The following WDR17 variants were observed in gnomAD, a reference collection of about 807,000 sequenced individuals.
WDR17 encodes the protein WD repeat-containing protein 17.
A neutral mutation model predicts 161.7 loss-of-function variants in WDR17; 143 were observed. The observed-to-expected ratio is 0.88, with a 90% CI of 0.77 to 1.02. The LOEUF (loss-of-function observed/expected upper bound fraction) is 1.02, where lower values mean the gene tolerates loss of function less well. Ranked by LOEUF, WDR17 falls within the 50% of genes least tolerant of loss-of-function variation. WDR17 has a pLI of 0.00. For synonymous variants in WDR17, 517 were observed against 515.6 expected, an observed-to-expected ratio of 1.00 and a Z score of -0.04; for missense variants, 1,469 against 1,520.9, an observed-to-expected ratio of 0.97 and a Z score of 0.57.
At chr4:176,080,847 T>C (rs1457925158) in intron 1 of WDR17, among the ~76,000 whole-genome samples, 2 of 152,144 alleles carry the variant, frequency 1.3e-5, no homozygotes, top group African/African-American at 4.8e-5. Context: ...CCCTCAGACA[T>C]TGGTGTTACT....
chr4:176,096,532 A>G, intron 1 of WDR17: 1 of 1,601,904 alleles, frequency 6.2e-7, no homozygotes, highest in Non-Finnish European at 8.5e-7. Context: ...GGCTTGGATG[A>G]CTTACATTTC....
At chr4:176,168,864 G>A in intron 23 of WDR17, 81 bp downstream of exon 23, 1 of 1,480,368 alleles carries the variant, frequency 6.8e-7, no homozygotes. Context: ...AAATAGAGAT[G>A]CATGCAGAGA....
chr4:176,145,497 T>C (rs1403860105), intron 11 of WDR17, among the ~76,000 whole-genome samples: 1 of 152,146 alleles, frequency 6.6e-6, no homozygotes, highest in East Asian at 1.9e-4. Flanking sequence ...GCAGGGAGCT[T>C]TTCCAGAAAA....
At chr4:176,149,169 G>A (rs1746685565) in intron 13 of WDR17, among the ~76,000 whole-genome samples, 1 of 151,470 alleles carries the variant, frequency 6.6e-6, no homozygotes, top group South Asian at 2.1e-4. Flanking sequence ...TATACTTGTT[G>A]CTGCTTAACC....
intron 4 of WDR17, among the ~76,000 whole-genome samples, chr4:176,124,126 A>G (rs1037921396): frequency 3.3e-5 from 5 of 152,190 alleles, no homozygotes; most frequent in African/African-American, 1.2e-4. Flanking sequence ...GAGTTGTATT[A>G]TCTTTCAATT....
intron 11 of WDR17, among the ~76,000 whole-genome samples, chr4:176,144,393 G>A (rs1745830623): frequency 6.6e-6 from 1 of 152,096 alleles, no homozygotes; most frequent in South Asian, 2.1e-4. Flanking sequence ...CATATTCTTA[G>A]CAAAACACTC....
At chr4:176,108,065 G>A (rs1739080482) in intron 1 of WDR17, among the ~76,000 whole-genome samples, 1 of 150,942 alleles carries the variant, frequency 6.6e-6, no homozygotes. Flanking sequence ...CCAAGACAGG[G>A]TCTCTTTCTA....
intron 1 of WDR17, among the ~76,000 whole-genome samples, chr4:176,087,013 C>T (rs990478526): frequency 3.3e-5 from 5 of 151,844 alleles, no homozygotes; most frequent in Non-Finnish European, 5.9e-5. Flanking sequence ...CTCCATTTAT[C>T]CTGCTGTCTT....
intron 11 of WDR17, 57 bp downstream of exon 11, chr4:176,142,126 A>G (rs1051531814): frequency 9.1e-6 from 13 of 1,430,120 alleles, no homozygotes; most frequent in Middle Eastern, 1.9e-4. Context: ...ATTTTAAATA[A>G]CCATAAAGTT....
Position 176,163,299 on chromosome 4 carries a change from A to C in WDR17, c.2990+6A>C. On this transcript the variant is annotated splice_donor_region_variant and intron_variant, in intron 22 of 28. Coordinates refer to ENST00000508596, the MANE Select transcript of WDR17 (RefSeq NM_181265.4). The stretch of plus-strand genomic sequence containing the variant: ...TGCATGATGATTTCAGTATGGTAAG[A>C]ATTTTGAAATTCAAAGAATAATTTC... The C allele has an allele frequency of 6.3e-7, 1 of 1,587,904 alleles. No homozygotes were observed. The highest frequency in any genetic ancestry group is 1.4e-5 in the African/African-American group (1 of 73,498).
chr4:176,137,475 T>A, intron 8 of WDR17, 45 bp from the exon 9 acceptor site: 1 of 1,471,024 alleles, frequency 6.8e-7, no homozygotes, highest in Non-Finnish European at 9.4e-7. Flanking sequence ...AGAATTACAT[T>A]TGTGGGAAAC....
At chr4:176,133,182 TTA>T (rs1743779999) in intron 7 of WDR17, among the ~76,000 whole-genome samples, 2 of 82,902 alleles carry the variant, frequency 2.4e-5, no homozygotes, top group Admixed American at 1.0e-4. Flanking sequence ...TTTTTTATTT[TTA>T]TTTTTTTTTT....
At chr4:176,138,719 G>T (rs769358537) in intron 9 of WDR17, among the ~76,000 whole-genome samples, 1 of 151,704 alleles carries the variant, frequency 6.6e-6, no homozygotes, top group Non-Finnish European at 1.5e-5. Context: ...TGGCAACTTG[G>T]AATCTCACAT....
chr4:176,083,987 C>G (rs1158506816), intron 1 of WDR17, among the ~76,000 whole-genome samples: 1 of 151,732 alleles, frequency 6.6e-6, no homozygotes, highest in Admixed American at 6.6e-5. Flanking sequence ...TCCCTTTTGT[C>G]CATTTTTCTA....
At chr4:176,172,561 T>C (rs768680366) in intron 24 of WDR17, 45 bp downstream of exon 24, 18 of 1,474,482 alleles carry the variant, frequency 1.2e-5, no homozygotes, top group Non-Finnish European at 1.6e-5. Flanking sequence ...ACTCATTTAT[T>C]TGATCGTTGT....
rs138088675 is a variant in WDR17 at position 176,067,907 on chromosome 4, G to T, written c.-7+1828G>T. On this transcript the variant is annotated intron_variant, in intron 1 of 28. Transcript: ENST00000508596. ...CTAGAAGTCCAACATGAATGATTAG[G>T]TTGTCACTATTAATGAAATGTGTAA... Among the ~76,000 whole-genome samples, 605 of 152,262 alleles carry T rather than the reference G, an allele frequency of 4.0e-3. 4 individuals carry two copies. Among genetic ancestry groups the T allele is most frequent in the Middle Eastern group, 0.017 (5 of 294 alleles).
chr4:176,076,158 T>G (rs1733944144), intron 1 of WDR17, among the ~76,000 whole-genome samples: 1 of 149,550 alleles, frequency 6.7e-6, no homozygotes, highest in Non-Finnish European at 1.5e-5. Context: ...TAAATTAGCC[T>G]TGAATTTGCC....
chr4:176,090,471 C>T (rs544036398), intron 1 of WDR17, among the ~76,000 whole-genome samples: 1 of 152,168 alleles, frequency 6.6e-6, no homozygotes, highest in South Asian at 2.1e-4. Flanking sequence ...AATTACCCAG[C>T]CTTATAGCAA....
chr4:176,089,761 C>T (rs146005606), intron 1 of WDR17, among the ~76,000 whole-genome samples: 67 of 152,184 alleles, frequency 4.4e-4, no homozygotes, highest in Non-Finnish European at 5.4e-4. Context: ...AGATTTTTCC[C>T]AGCCTGCTCC....
Sources: gnomAD v4.1 joint callset for allele counts (sites outside exome capture counted in the v4.1 genomes callset) on GRCh38, gnomAD v4.1.1 for gene constraint, MANE v1.5 for transcripts, NCBI Gene and HGNC (gene_info 2026-07-23, HGNC 2026-07-21) for gene names.